The following GABRA3 variants were observed in gnomAD, a reference collection of about 807,000 sequenced individuals.
GABRA3 encodes gamma-aminobutyric acid type A receptor subunit alpha3.
A neutral mutation model predicts 30.1 loss-of-function variants in GABRA3; 10 were observed. The observed-to-expected ratio is 0.33, with a 90% CI of 0.20 to 0.56. The LOEUF (loss-of-function observed/expected upper bound fraction) is 0.56, where lower values mean the gene tolerates loss of function less well. GABRA3 is among the 20% of genes least tolerant of loss of function. GABRA3 has a pLI of 0.89. For synonymous variants in GABRA3, 151 were observed against 146.8 expected (o/e 1.03, Z -0.21); for missense variants, 233 against 392.0 (o/e 0.59, Z 3.42).
intron 3 of GABRA3, among the ~76,000 whole-genome samples, chrX:152,339,695 C>T (rs1940286517): frequency 9.0e-6 from 1 of 111,335 alleles, no homozygotes. Flanking sequence ...TACTTATTTT[C>T]TGTCTACTTG....
intron 2 of GABRA3, among the ~76,000 whole-genome samples, 183 bp from the exon 3 acceptor site, chrX:152,345,885 G>T (rs151267058): frequency 1.2e-4 from 13 of 111,567 alleles, no homozygotes; most frequent in African/African-American, 3.9e-4. Context: ...GAGGCAGACA[G>T]TGTGGTTAAT....
rs148398180 is a variant in GABRA3, at chrX:152,415,596, G to C, written c.-27+35550C>G. ...TATTGCATAGAACTATAGACATAGA[G>C]ACACACAAAAAAGAGCACACATCAA... On this transcript the variant is annotated intron_variant, in intron 1 of 9. Transcript: ENST00000370314. 5.6e-3 allele frequency among the ~76,000 whole-genome samples: 625 copies of C among 110,648 alleles called. 2 individuals are homozygous for C. Among genetic ancestry groups the C allele is most frequent in the Middle Eastern group, 0.046 (10 of 217 alleles).
At chrX:152,322,398 G>A (rs1451926021) in intron 3 of GABRA3, among the ~76,000 whole-genome samples, 1 of 111,769 alleles carries the variant, frequency 8.9e-6, no homozygotes, top group East Asian at 2.8e-4. Flanking sequence ...GAAATGATTT[G>A]GAACTAGACA....
At chrX:152,392,881 C>A (rs1173838105) in intron 1 of GABRA3, among the ~76,000 whole-genome samples, 1 of 112,026 alleles carries the variant, frequency 8.9e-6, no homozygotes, top group African/African-American at 3.2e-5. Flanking sequence ...CTTACTTAGA[C>A]AGATATTGTG....
At chrX:152,368,665 T>C (rs1172131040) in intron 1 of GABRA3, among the ~76,000 whole-genome samples, 1 of 109,592 alleles carries the variant, frequency 9.1e-6, no homozygotes, top group South Asian at 4.0e-4. Context: ...AGTAGTGAGA[T>C]TGCTGAATCA....
chrX:152,238,631 T>C (rs2124398415), intron 5 of GABRA3, among the ~76,000 whole-genome samples: 1 of 108,988 alleles, frequency 9.2e-6, no homozygotes, highest in South Asian at 4.0e-4. Context: ...CCTGGACTCT[T>C]TTTGGTTGGT....
At chrX:152,413,281 T>C (rs1368189899) in intron 1 of GABRA3, among the ~76,000 whole-genome samples, 1 of 109,257 alleles carries the variant, frequency 9.2e-6, no homozygotes, top group Non-Finnish European at 1.9e-5. Flanking sequence ...AAAAGGTGAA[T>C]AGGAAAGAAC....
At chrX:152,347,996 AAAAT>A (rs1023102326) in intron 2 of GABRA3, among the ~76,000 whole-genome samples, 1 of 111,637 alleles carries the variant, frequency 9.0e-6, no homozygotes, top group African/African-American at 3.3e-5. Flanking sequence ...GACCCTGTCT[AAAAT>A]AAATAAATAA....
At chrX:152,359,093 C>T (rs1940594576) in intron 2 of GABRA3, among the ~76,000 whole-genome samples, 1 of 111,612 alleles carries the variant, frequency 9.0e-6, no homozygotes, top group African/African-American at 3.3e-5. Flanking sequence ...GGGAGGAGTC[C>T]TTCCTCCTCA....
intron 3 of GABRA3, among the ~76,000 whole-genome samples, chrX:152,327,775 C>T (rs1325774784): frequency 2.7e-5 from 3 of 111,598 alleles, no homozygotes; most frequent in African/African-American, 9.8e-5. Context: ...GACACCCTAA[C>T]ATCACAATTA....
At chrX:152,444,103 GTTTTAC>G (rs767434773) in intron 1 of GABRA3, among the ~76,000 whole-genome samples, 1 of 110,455 alleles carries the variant, frequency 9.1e-6, no homozygotes, top group Admixed American at 9.6e-5. Context: ...TAATGCGGTT[GTTTTAC>G]TTTTATAATC....
At chrX:152,341,014 C>T (rs1940305147) in intron 3 of GABRA3, among the ~76,000 whole-genome samples, 2 of 110,901 alleles carry the variant, frequency 1.8e-5, no homozygotes, top group Admixed American at 1.9e-4. Context: ...TTTTTTATCC[C>T]ATATCTCCCT....
intron 1 of GABRA3, among the ~76,000 whole-genome samples, chrX:152,368,338 C>T (rs922747169): frequency 9.0e-6 from 1 of 111,643 alleles, no homozygotes; most frequent in African/African-American, 3.3e-5. Flanking sequence ...CTCTCTGCTT[C>T]TGTGAAATCA....
chrX:152,241,928 C>A (rs1290573659), intron 5 of GABRA3, among the ~76,000 whole-genome samples: 1 of 111,597 alleles, frequency 9.0e-6, no homozygotes, highest in Non-Finnish European at 1.9e-5. Flanking sequence ...TAGATAAACC[C>A]GGTACCTCAG....
chrX:152,300,827 C>A (rs898517316), intron 3 of GABRA3, among the ~76,000 whole-genome samples: 1 of 111,736 alleles, frequency 8.9e-6, no homozygotes, highest in African/African-American at 3.3e-5. Context: ...TAGAAATCAT[C>A]CAATATGAGA....
chrX:152,331,782 C>A (rs912052489), intron 3 of GABRA3, among the ~76,000 whole-genome samples: 1 of 111,692 alleles, frequency 9.0e-6, no homozygotes, highest in Non-Finnish European at 1.9e-5. Context: ...TAACTAAAGT[C>A]TCCTCTCAGT....
At chrX:152,297,257 C>T (rs191651666) in intron 3 of GABRA3, among the ~76,000 whole-genome samples, 2 of 111,643 alleles carry the variant, frequency 1.8e-5, no homozygotes, top group East Asian at 5.6e-4. Context: ...ATGTTCCAGT[C>T]CCAGGCCACA....
At chrX:152,211,864 G>C (rs911736498) in intron 6 of GABRA3, among the ~76,000 whole-genome samples, 1 of 111,621 alleles carries the variant, frequency 9.0e-6, no homozygotes, top group South Asian at 3.8e-4. Context: ...GTAGGTGAAA[G>C]AAGGACATTC....
intron 4 of GABRA3, among the ~76,000 whole-genome samples, chrX:152,258,549 T>C (rs1023279897): frequency 8.9e-6 from 1 of 112,018 alleles, no homozygotes; most frequent in Admixed American, 9.5e-5. Context: ...ATTGTTGAAA[T>C]ATATGCATCC....
Sources: gnomAD v4.1 joint callset for allele counts (sites outside exome capture counted in the v4.1 genomes callset) on GRCh38, gnomAD v4.1.1 for gene constraint, MANE v1.5 for transcripts, NCBI Gene and HGNC (gene_info 2026-07-23, HGNC 2026-07-21) for gene names.